The following KDM5B variants were observed in gnomAD, a reference collection of about 807,000 sequenced individuals.
KDM5B encodes lysine demethylase 5B.
Under a neutral mutation model 193.4 loss-of-function variants are expected in KDM5B, and 144 were observed. That is an observed-to-expected ratio of 0.74 (90% CI 0.65 to 0.86). The LOEUF (loss-of-function observed/expected upper bound fraction) is 0.86. Ranked by LOEUF, KDM5B falls within the 40% of genes least tolerant of loss-of-function variation. The pLI is 0.00. For synonymous variants in KDM5B, 668 were observed against 682.6 expected, an observed-to-expected ratio of 0.98 and a Z score of 0.33; for missense variants, 1,833 against 1,886.9, an observed-to-expected ratio of 0.97 and a Z score of 0.53.
intron 1 of KDM5B, among the ~76,000 whole-genome samples, chr1:202,792,028 TC>T (rs1445736065): frequency 6.6e-6 from 1 of 152,154 alleles, no homozygotes; most frequent in African/African-American, 2.4e-5. Context: ...TACTGACATA[TC>T]AATAATAAGT....
chr1:202,760,813 G>A (rs1656217047), intron 7 of KDM5B, among the ~76,000 whole-genome samples: 1 of 152,188 alleles, frequency 6.6e-6, no homozygotes, highest in African/African-American at 2.4e-5. Flanking sequence ...ACTGTCATGT[G>A]TTTAAAGTTT....
chr1:202,782,274 T>TA (rs1364535976), intron 1 of KDM5B, among the ~76,000 whole-genome samples: 1 of 152,130 alleles, frequency 6.6e-6, no homozygotes, highest in Non-Finnish European at 1.5e-5. Flanking sequence ...TAGACTCCAA[T>TA]AAAAAAATTA....
chr1:202,762,121 T>C (rs375051620), intron 7 of KDM5B, among the ~76,000 whole-genome samples: 16 of 152,316 alleles, frequency 1.1e-4, no homozygotes, highest in African/African-American at 3.8e-4. Flanking sequence ...ATAAAAGTTT[T>C]CCACAGAATA....
Position 202,756,354 on chromosome 1 carries a change from C to T in KDM5B, c.1356+4G>A, listed in dbSNP as rs1477965556. ...CTCAATTTCCAAGCCACTTATATGC[C>T]TACCTCTTCCTCAGGTGAGAGTTTG... On this transcript the variant is annotated splice_donor_region_variant and intron_variant, in intron 10 of 26. Transcript: ENST00000367265. 3 of 1,601,356 alleles carry T rather than the reference C, an allele frequency of 1.9e-6. No homozygotes were observed. The highest frequency in any genetic ancestry group is 1.7e-5 in the Admixed American group (1 of 57,288).
chr1:202,789,426 C>T (rs1657545250), intron 1 of KDM5B, among the ~76,000 whole-genome samples: 1 of 150,174 alleles, frequency 6.7e-6, no homozygotes, highest in African/African-American at 2.5e-5. Flanking sequence ...GAGGCTGAGA[C>T]ACGATAATCA....
chr1:202,758,231 T>C (rs1656097425), intron 9 of KDM5B, among the ~76,000 whole-genome samples, 160 bp downstream of exon 9: 1 of 152,222 alleles, frequency 6.6e-6, no homozygotes, highest in Non-Finnish European at 1.5e-5. Flanking sequence ...TTTTAAAGTA[T>C]TGTGAAATTT....
At chr1:202,768,398 T>A (rs1344548825) in intron 4 of KDM5B, among the ~76,000 whole-genome samples, 1 of 152,154 alleles carries the variant, frequency 6.6e-6, no homozygotes, top group African/African-American at 2.4e-5. Context: ...ATGAGATACG[T>A]GGAAATAACA....
At chr1:202,779,246 C>T (rs971216643) in intron 1 of KDM5B, among the ~76,000 whole-genome samples, 7 of 152,158 alleles carry the variant, frequency 4.6e-5, no homozygotes, top group South Asian at 2.1e-4. Flanking sequence ...ACCGGCCAGG[C>T]GCGGTGACTC....
At chr1:202,749,569 A>G (rs1311350717) in intron 13 of KDM5B, among the ~76,000 whole-genome samples, 2 of 148,534 alleles carry the variant, frequency 1.3e-5, no homozygotes, top group African/African-American at 2.4e-5. Context: ...AAATTTAAAA[A>G]ACAAACAAAA....
chr1:202,762,742 T>C lies in KDM5B; in HGVS notation c.875A>G (p.Glu292Gly), dbSNP rs770152725. ...AGATCGACTCTTGGGCTTTTCCTTCTCATTTTCTACAATATAATCTTTCCT... is the reference window on the plus strand; with the variant it reads ...AGATCGACTCTTGGGCTTTTCCTTCCCATTTTCTACAATATAATCTTTCCT... ...IERKDYIVEN[E>G]KEKPKSRSKK... is the part of the protein sequence containing the mutation. Residue 292 changes from glutamate (E) to glycine (G), a missense_variant, in exon 7 of 27, where the codon GAG (glutamate) becomes GGG (glycine). This residue lies in a region of KDM5B where 355 missense variants were observed against 374.9 expected (regional missense o/e 0.95). Transcript: ENST00000367265. 1.9e-6 allele frequency: 3 copies of C among 1,611,482 alleles called. No individual in the cohort carries two copies. Among genetic ancestry groups the C allele is most frequent in the Non-Finnish European group, 1.7e-6 (2 of 1,177,584 alleles).
At chr1:202,797,604 A>ACTTC (rs1320215070) in intron 1 of KDM5B, among the ~76,000 whole-genome samples, 1 of 152,194 alleles carries the variant, frequency 6.6e-6, no homozygotes, top group African/African-American at 2.4e-5. Flanking sequence ...AAGTAGGATA[A>ACTTC]TTGCAAAATT....
At chr1:202,761,730 C>A (rs1222549194) in intron 7 of KDM5B, among the ~76,000 whole-genome samples, 5 of 152,158 alleles carry the variant, frequency 3.3e-5, no homozygotes, top group Non-Finnish European at 5.9e-5. Context: ...CAGAAGAAAT[C>A]AACCCTGCCA....
chr1:202,785,314 C>T (rs1657363386), intron 1 of KDM5B, among the ~76,000 whole-genome samples: 1 of 152,172 alleles, frequency 6.6e-6, no homozygotes, highest in African/African-American at 2.4e-5. Flanking sequence ...TAAAGGCCTC[C>T]TCTGTATTTC....
At chr1:202,791,853 G>A (rs568150223) in intron 1 of KDM5B, among the ~76,000 whole-genome samples, 104 of 152,202 alleles carry the variant, frequency 6.8e-4, no homozygotes, top group African/African-American at 2.4e-3. Flanking sequence ...GGAGTAGCTG[G>A]GACTACAGGT....
chr1:202,760,591 G>T lies in KDM5B; in HGVS notation c.919-18C>A. 1 of 1,571,662 alleles carries T rather than the reference G, an allele frequency of 6.4e-7. No homozygotes were observed. ...AGGTCCACCTGTAGCAATAAAAGTGGGTACAGAACAAAGGAACATGAGCTA... is the reference window on the plus strand; with the variant it reads ...AGGTCCACCTGTAGCAATAAAAGTGTGTACAGAACAAAGGAACATGAGCTA... On this transcript the variant is annotated intron_variant, in intron 7 of 26. Coordinates refer to ENST00000367265, the MANE Select transcript of KDM5B (RefSeq NM_006618.5).
chr1:202,799,231 A>C (rs1261868656), intron 1 of KDM5B, among the ~76,000 whole-genome samples: 1 of 152,232 alleles, frequency 6.6e-6, no homozygotes, highest in African/African-American at 2.4e-5. Context: ...TGACAAGCAT[A>C]CGTTGCAGAA....
intron 1 of KDM5B, among the ~76,000 whole-genome samples, chr1:202,803,743 C>T (rs756622430): frequency 4.6e-5 from 7 of 151,694 alleles, no homozygotes; most frequent in Admixed American, 1.3e-4. Context: ...CGCTTGAACC[C>T]GGGAGGCGGA....
chr1:202,773,023 T>G (rs1656784705), intron 4 of KDM5B, 95 bp downstream of exon 4: 3 of 953,278 alleles, frequency 3.1e-6, no homozygotes, highest in Non-Finnish European at 3.2e-6. Flanking sequence ...AAACAAGGTC[T>G]TCCAAACACA....
At chr1:202,746,507 T>C in intron 14 of KDM5B, 184 bp from the exon 15 acceptor site, 1 of 491,514 alleles carries the variant, frequency 2.0e-6, no homozygotes, top group Non-Finnish European at 3.6e-6. Context: ...CAAGTTCATT[T>C]GTCTAGGGAG....
Sources: gnomAD v4.1 joint callset for allele counts (sites outside exome capture counted in the v4.1 genomes callset) on GRCh38, gnomAD v4.1.1 for gene constraint, gnomAD v4.1.1 regional missense constraint, MANE v1.5 for transcripts, NCBI Gene and HGNC (gene_info 2026-07-23, HGNC 2026-07-21) for gene names.